Variants in TAFA5 observed in about 807,000 individuals in gnomAD.
The protein encoded by TAFA5 is TAFA chemokine like family member 5, also known as chemokine-like protein TAFA-5.
Under a neutral mutation model 15.3 loss-of-function variants are expected in TAFA5, and 6 were observed. That is an observed-to-expected ratio of 0.39 (90% confidence interval 0.21 to 0.77). The LOEUF is 0.77. Among genes scored for constraint, TAFA5 ranks in the 30% least tolerant of loss-of-function variants. The pLI is 0.41. For missense variants in TAFA5, 161 were observed against 193.1 expected (o/e 0.83, Z 0.98); for synonymous variants, 103 against 80.7 (o/e 1.28, Z -1.48).
At chr22:48,677,051 A>G (rs1927997703) in intron 2 of TAFA5, among the ~76,000 whole-genome samples, 1 of 152,206 alleles carries the variant, frequency 6.6e-6, no homozygotes, top group South Asian at 2.1e-4. Context: ...GCTGGAAGCC[A>G]CTTCTGACCA....
chr22:48,678,637 G>A (rs1928053995), intron 2 of TAFA5, among the ~76,000 whole-genome samples: 3 of 152,158 alleles, frequency 2.0e-5, no homozygotes, highest in African/African-American at 4.8e-5. Flanking sequence ...TGTCCCACAC[G>A]TGGAAAAGTG....
Position 48,527,070 on chromosome 22 carries a change from A to G in TAFA5, c.112+37366A>G, listed in dbSNP as rs1921805270. ...TCAGATGTGTGCATTTGGAGAACTCAGATGTAAGGGGCTTCATTGTAACAG... is the reference window on the plus strand; with the variant it reads ...TCAGATGTGTGCATTTGGAGAACTCGGATGTAAGGGGCTTCATTGTAACAG... On this transcript the variant is annotated intron_variant, in intron 1 of 3. Coordinates refer to ENST00000402357, the MANE Select transcript of TAFA5 (RefSeq NM_001082967.3). 5.3e-5 allele frequency among the ~76,000 whole-genome samples: 8 copies of G among 152,360 alleles called. No individual in the cohort carries two copies. The Middle Eastern group carries it at 0.014, about 259-fold the overall frequency.
At chr22:48,617,123 T>C (rs1318154449) in intron 1 of TAFA5, among the ~76,000 whole-genome samples, 1 of 152,198 alleles carries the variant, frequency 6.6e-6, no homozygotes, top group African/African-American at 2.4e-5. Context: ...CCTGCGGATG[T>C]GTCATTTCGC....
In TAFA5 at chr22:48,598,769, G is replaced by T. The variant is rs1292732285; in HGVS notation, c.113-47828G>T. ...TGAGACCCCACCGAGGAAGGGCTCGGTCCCACAAGACTGCTCCCCCTTCAG... is the reference window on the plus strand; with the variant it reads ...TGAGACCCCACCGAGGAAGGGCTCGTTCCCACAAGACTGCTCCCCCTTCAG... On this transcript the variant is annotated intron_variant, in intron 1 of 3. Transcript: ENST00000402357. This position sits in a 1 kb window ranked among gnomAD's most constrained non-coding sequence, Gnocchi z 4.0. 6.6e-6 allele frequency among the ~76,000 whole-genome samples: 1 copy of T among 152,120 alleles called. No individual in the cohort carries two copies. The highest frequency in any genetic ancestry group is 1.5e-5 in the Non-Finnish European group (1 of 68,022).
At chr22:48,684,887 A>C (rs1016035707) in intron 2 of TAFA5, among the ~76,000 whole-genome samples, 14 of 152,190 alleles carry the variant, frequency 9.2e-5, no homozygotes, top group African/African-American at 3.4e-4. Flanking sequence ...CCCTGCTGAT[A>C]GGCTGTGTTG....
chr22:48,516,999 G>T (rs1921430293), intron 1 of TAFA5, among the ~76,000 whole-genome samples: 2 of 152,196 alleles, frequency 1.3e-5, no homozygotes, highest in Admixed American at 1.3e-4. Context: ...GTTGAAGATT[G>T]CATTCTGCTG....
intron 1 of TAFA5, among the ~76,000 whole-genome samples, chr22:48,585,254 C>A (rs1924302843): frequency 6.6e-6 from 1 of 151,306 alleles, no homozygotes; most frequent in African/African-American, 2.4e-5. Flanking sequence ...AACATACATA[C>A]ACAGATAATA....
At chr22:48,706,439 C>T (rs1165218668) in intron 2 of TAFA5, among the ~76,000 whole-genome samples, 3 of 152,250 alleles carry the variant, frequency 2.0e-5, no homozygotes, top group African/African-American at 7.2e-5. Flanking sequence ...GCAGTCCATC[C>T]ACTTGGCACG....
At chr22:48,576,579 TCC>T in intron 1 of TAFA5, 1 of 1,455,732 alleles carries the variant, frequency 6.9e-7, no homozygotes, top group South Asian at 1.4e-5. Flanking sequence ...AAGGTAATTG[TCC>T]CCGGGCGCGC....
chr22:48,549,060 GAC>G (rs1250524004), intron 1 of TAFA5, among the ~76,000 whole-genome samples: 1 of 152,208 alleles, frequency 6.6e-6, no homozygotes, highest in African/African-American at 2.4e-5. Context: ...GGCATGAAAT[GAC>G]ACAGTTTCAT....
rs191546037 is a variant in TAFA5 at position 48,750,255 on chromosome 22, C to T, written c.*408C>T. On this transcript the variant is annotated 3_prime_UTR_variant, in exon 4 of 4. Coordinates refer to ENST00000402357, the MANE Select transcript of TAFA5 (RefSeq NM_001082967.3). ...CCCAGGGGACTGTCAGGCACAGAAG[C>T]GGCCTCCTCCCGTGCCCCAGACTGT... 4.5e-5 allele frequency: 12 copies of T among 266,476 alleles called. No individual in the cohort carries two copies. The East Asian group carries it at 5.2e-4, about 12-fold the overall frequency. The allele number at this position is 266,476 out of a possible 1,614,324, so 16.5% of individuals were successfully genotyped here. A position where few individuals can be genotyped will look rare whatever the true frequency, so the allele number is the denominator to read the frequency against.
chr22:48,594,900 T>G (rs1228089021), intron 1 of TAFA5, among the ~76,000 whole-genome samples: 3 of 150,068 alleles, frequency 2.0e-5, no homozygotes, highest in Admixed American at 6.6e-5. Context: ...TTTTTGGTGC[T>G]CAGAGTAGCC....
intron 1 of TAFA5, among the ~76,000 whole-genome samples, chr22:48,621,150 CCTATTCACCCACCCCCCACCCACA>C (rs1235054223): frequency 2.8e-5 from 1 of 35,518 alleles, no homozygotes; most frequent in East Asian, 8.5e-4. Context: ...ACCCACCCAT[CCTATTCACCCACCCCCCACCCACA>C]CTATCCACCC....
At chr22:48,597,512 TC>T (rs1026463566) in intron 1 of TAFA5, among the ~76,000 whole-genome samples, 1 of 149,458 alleles carries the variant, frequency 6.7e-6, no homozygotes, top group Non-Finnish European at 1.5e-5. Context: ...TCCCTGCCGG[TC>T]CCCTCTGGCT....
At chr22:48,689,528 C>A (rs1199319488) in intron 2 of TAFA5, among the ~76,000 whole-genome samples, 1 of 152,214 alleles carries the variant, frequency 6.6e-6, no homozygotes, top group African/African-American at 2.4e-5. Context: ...AGAGCAAGTC[C>A]TCTGGGTGGA....
chr22:48,709,200 C>T (rs1232782562), intron 3 of TAFA5, among the ~76,000 whole-genome samples: 2 of 152,136 alleles, frequency 1.3e-5, no homozygotes, highest in African/African-American at 4.8e-5. Context: ...CGGCGCCACC[C>T]CGAGGCATGC....
chr22:48,568,030 G>C (rs1175837529), intron 1 of TAFA5, among the ~76,000 whole-genome samples: 2 of 152,240 alleles, frequency 1.3e-5, no homozygotes, highest in Non-Finnish European at 2.9e-5. Context: ...CTAGGGGACA[G>C]TGAGTTCACG....
At chr22:48,714,201 C>T (rs1361011393) in intron 3 of TAFA5, among the ~76,000 whole-genome samples, 1 of 152,246 alleles carries the variant, frequency 6.6e-6, no homozygotes, top group Non-Finnish European at 1.5e-5. Context: ...GGACGAGACA[C>T]TCACACTTCC....
At chr22:48,722,846 G>T (rs1260438787) in intron 3 of TAFA5, among the ~76,000 whole-genome samples, 1 of 152,178 alleles carries the variant, frequency 6.6e-6, no homozygotes, top group Non-Finnish European at 1.5e-5. Flanking sequence ...GTCATGTCTA[G>T]GGTCCATCCT....
Sources: allele counts gnomAD v4.1 joint callset (sites outside exome capture counted in the v4.1 genomes callset), GRCh38; gene constraint gnomAD v4.1.1; non-coding constraint Gnocchi (gnomAD v3.1); transcripts MANE v1.5; gene names NCBI Gene and HGNC (gene_info 2026-07-23, HGNC 2026-07-21).